ESRP1: variants seen among roughly 807,000 people sequenced by gnomAD.
ESRP1 encodes epithelial splicing regulatory protein 1.
In ESRP1, 33 loss-of-function variants were observed where a neutral mutation model predicts 81.7. The observed-to-expected ratio is 0.40, with a 90% CI of 0.31 to 0.54. ESRP1 has a LOEUF of 0.54. Among genes scored for constraint, ESRP1 ranks in the 20% least tolerant of loss-of-function variants. ESRP1 has a pLI of 0.41. For synonymous variants in ESRP1, 320 were observed against 303.3 expected (o/e 1.06, Z -0.57); for missense variants, 672 against 833.1 (o/e 0.81, Z 2.38).
At chr8:94,697,746 G>A (rs140575814) in intron 15 of ESRP1, among the ~76,000 whole-genome samples, 267 of 152,118 alleles carry the variant, frequency 1.8e-3, no homozygotes, top group African/African-American at 6.1e-3. Flanking sequence ...GATTCTTTTG[G>A]ATTGGGTATA....
At position 94,696,915 on chromosome 8, in the gene ESRP1, G is replaced by A. The variant is rs1263460447; in HGVS notation, c.2035G>A (p.Val679Ile). ...GGCCAGGACTCTACCCAAAGAATGG[G>A]TTTGTATTTAAGGGCCCCAGCAGTT... ...DQARTLPKEW[V>I]CI is the part of the protein sequence containing the mutation. The change falls in exon 15 of 16, where the codon GTT (valine) becomes ATT (isoleucine). Residue 679 changes from valine (V) to isoleucine (I), a missense_variant. By Grantham distance (29) the Val-to-Ile change is conservative. Transcript: ENST00000433389. 2 of 1,589,826 alleles carry A rather than the reference G, an allele frequency of 1.3e-6. No homozygotes were observed. The highest frequency in any genetic ancestry group is 2.3e-5 in the South Asian group (2 of 86,866).
chr8:94,641,552 T>C, intron 1 of ESRP1, 102 bp downstream of exon 1: 1 of 1,516,178 alleles, frequency 6.6e-7, no homozygotes, highest in Non-Finnish European at 9.0e-7. Flanking sequence ...TAAGTGCTCT[T>C]GTTTGCCCAC....
intron 13 of ESRP1, among the ~76,000 whole-genome samples, chr8:94,683,929 C>A (rs1265028504): frequency 6.6e-6 from 1 of 152,188 alleles, no homozygotes; most frequent in East Asian, 1.9e-4. Context: ...CTCACCACAA[C>A]CTCCGCCTCC....
At position 94,685,687 on chromosome 8, in the gene ESRP1, C is replaced by G. The variant is rs188254079; in HGVS notation, c.1821-6990C>G. On this transcript the variant is annotated intron_variant, in intron 13 of 15. Coordinates refer to ENST00000433389, the MANE Select transcript of ESRP1 (RefSeq NM_017697.4). Reference sequence around the variant, plus strand: ...TGGTGGCAGATGCCTATAATCCCAGCTATTTGGGAGGCTGAGACATGAGAA... The same window carrying G: ...TGGTGGCAGATGCCTATAATCCCAGGTATTTGGGAGGCTGAGACATGAGAA... Among the ~76,000 whole-genome samples the G allele has an allele frequency of 1.4e-3, 216 of 151,862 alleles. 1 individual carries two copies. The highest frequency in any genetic ancestry group is 5.0e-3 in the African/African-American group (206 of 41,412).
chr8:94,699,954 A>G (rs1809756405), intron 15 of ESRP1, among the ~76,000 whole-genome samples: 1 of 152,098 alleles, frequency 6.6e-6, no homozygotes, highest in Admixed American at 6.5e-5. Context: ...ATCATAACCG[A>G]GTGGCTCATG....
chr8:94,705,633 A>G (rs7388010), intron 15 of ESRP1: 176,991 of 276,362 alleles, frequency 0.64, 59,262 homozygotes, highest in African/African-American at 0.9. Context: ...CTGAGCAGGG[A>G]GTCGGAAACC....
chr8:94,648,591 G>A (rs897948697), intron 4 of ESRP1, among the ~76,000 whole-genome samples: 13 of 152,206 alleles, frequency 8.5e-5, no homozygotes, highest in Admixed American at 5.9e-4. Context: ...TGGAAGTGAC[G>A]CTGAATTGGG....
At chr8:94,674,934 T>C (rs1359746250) in intron 12 of ESRP1, among the ~76,000 whole-genome samples, 1 of 152,048 alleles carries the variant, frequency 6.6e-6, no homozygotes, top group African/African-American at 2.4e-5. Flanking sequence ...CATTTAACTT[T>C]TTGAGCATCA....
intron 4 of ESRP1, among the ~76,000 whole-genome samples, chr8:94,660,955 T>C (rs1476270590): frequency 6.6e-6 from 1 of 152,104 alleles, no homozygotes; most frequent in African/African-American, 2.4e-5. Context: ...TGAGTAGCCA[T>C]CAACATCTAG....
intron 13 of ESRP1, among the ~76,000 whole-genome samples, chr8:94,691,835 A>G (rs1166022554): frequency 1.3e-5 from 2 of 152,322 alleles, no homozygotes; most frequent in East Asian, 3.9e-4. Flanking sequence ...TATATTTTCA[A>G]TTATGAGTTT....
chr8:94,669,926 C>G (rs976570515), intron 10 of ESRP1, among the ~76,000 whole-genome samples: 2 of 150,510 alleles, frequency 1.3e-5, no homozygotes, highest in Non-Finnish European at 3.0e-5. Context: ...GTCATAAGTG[C>G]TGAATCTCTA....
At chr8:94,651,239 CT>C (rs35413910) in intron 4 of ESRP1, among the ~76,000 whole-genome samples, 24,984 of 102,814 alleles carry the variant, frequency 0.24, 2,111 homozygotes, top group East Asian at 0.49. Context: ...ATAGTGTGGT[CT>C]TTTTTTTTTT....
Position 94,642,022 on chromosome 8 carries a change from G to A in ESRP1, c.199G>A (p.Glu67Lys), listed in dbSNP as rs1817627386. ...GGAACTGACGGAGGACTGCAAAGAA[G>A]AAACTAAAATAGACGTCGAAAGCCT... ...QLELTEDCKE[E>K]TKIDVESLSS... The change falls in exon 2 of 16, where the codon GAA becomes AAA. Residue 67 changes from glutamate (E) to lysine (K), a missense_variant. Physicochemically the swap from Glu to Lys is moderately conservative, Grantham distance 56. Coordinates refer to ENST00000433389, the MANE Select transcript of ESRP1 (RefSeq NM_017697.4). 1.9e-6 allele frequency: 3 copies of A among 1,613,996 alleles called. No homozygotes were observed. Among genetic ancestry groups the A allele is most frequent in the Non-Finnish European group, 2.5e-6 (3 of 1,179,884 alleles).
chr8:94,658,680 C>T (rs1818560137), intron 4 of ESRP1, among the ~76,000 whole-genome samples: 1 of 152,116 alleles, frequency 6.6e-6, no homozygotes, highest in African/African-American at 2.4e-5. Context: ...AAATTTTCCC[C>T]ATATTCTTTT....
At chr8:94,667,068 G>GGTGTGT (rs1163646804) in intron 9 of ESRP1, among the ~76,000 whole-genome samples, 37,905 of 144,134 alleles carry the variant, frequency 0.26, 5,908 homozygotes, top group East Asian at 0.49. Context: ...CCAGGAGAGG[G>GGTGTGT]GTGTGTGTGT....
rs773482178 is a variant in ESRP1, at chr8:94,643,416, G to A, written c.375G>A (p.Lys125=). The A allele has an allele frequency of 1.2e-6, 2 of 1,605,332 alleles. No individual in the cohort carries two copies. Among genetic ancestry groups the A allele is most frequent in the South Asian group, 1.1e-5 (1 of 90,912 alleles). ...RQILHPEASK[K]NVLLPECFYS... is the part of the protein sequence containing the mutation. ...TCCTGCATCCTGAGGCTTCCAAGAA[G>A]GTAAGAGTGCTGGCTTCTGGGAAAA... Residue 125 remains lysine (K), a splice_region_variant and synonymous_variant, in exon 3 of 16, where the codon AAG becomes AAA. Coordinates refer to ENST00000433389, the MANE Select transcript of ESRP1 (RefSeq NM_017697.4).
At chr8:94,643,741 G>T (rs1437640822) in intron 3 of ESRP1, among the ~76,000 whole-genome samples, 1 of 20,794 alleles carries the variant, frequency 4.8e-5, no homozygotes, top group Non-Finnish European at 1.7e-4. Flanking sequence ...CAATTTTCAA[G>T]ATGCATGACA....
At chr8:94,647,111 A>C (rs1230759838) in intron 4 of ESRP1, among the ~76,000 whole-genome samples, 1 of 152,204 alleles carries the variant, frequency 6.6e-6, no homozygotes, top group Non-Finnish European at 1.5e-5. Flanking sequence ...CAGGAATTAA[A>C]ACCTGGTTTT....
At chr8:94,684,783 T>C (rs1299801392) in intron 13 of ESRP1, among the ~76,000 whole-genome samples, 2 of 152,114 alleles carry the variant, frequency 1.3e-5, no homozygotes, top group Admixed American at 6.5e-5. Context: ...CTGCAGGGCA[T>C]GGTGGCTCAT....
Sources: allele counts gnomAD v4.1 joint callset (sites outside exome capture counted in the v4.1 genomes callset), GRCh38; gene constraint gnomAD v4.1.1; transcripts MANE v1.5; gene names NCBI Gene and HGNC (gene_info 2026-07-23, HGNC 2026-07-21).